Variants in GXYLT2 observed in about 807,000 individuals in gnomAD.
GXYLT2 encodes glucoside xylosyltransferase 2, also known as glycosyltransferase 8 domain containing 4.
Under a neutral mutation model 45.8 loss-of-function variants are expected in GXYLT2, and 53 were observed. That is an observed-to-expected ratio of 1.16 (90% confidence interval 0.93 to 1.46). The LOEUF is 1.46. Among genes scored for constraint, GXYLT2 ranks in the 40% most tolerant of loss-of-function variants. The pLI is 0.00. For missense variants in GXYLT2, 551 were observed against 544.4 expected (o/e 1.01, Z -0.12); for synonymous variants, 219 against 214.2 (o/e 1.02, Z -0.19).
At chr3:72,905,929 G>A (rs1559728614) in intron 1 of GXYLT2, among the ~76,000 whole-genome samples, 1 of 152,194 alleles carries the variant, frequency 6.6e-6, no homozygotes, top group African/African-American at 2.4e-5. Context: ...AATATGTAAA[G>A]CTAAACTAGA....
chr3:72,955,004 A>T, intron 3 of GXYLT2, 94 bp from the exon 4 acceptor site: 1 of 1,299,952 alleles, frequency 7.7e-7, no homozygotes, highest in East Asian at 2.4e-5. Context: ...TGGTAGCATT[A>T]TTTACCTATC....
At chr3:72,893,424 C>A (rs1709220823) in intron 1 of GXYLT2, among the ~76,000 whole-genome samples, 1 of 152,220 alleles carries the variant, frequency 6.6e-6, no homozygotes, top group South Asian at 2.1e-4. Flanking sequence ...TGAGAGGGGT[C>A]CTGCTAGCCG....
intron 3 of GXYLT2, among the ~76,000 whole-genome samples, chr3:72,950,601 A>G (rs866780953): frequency 6.6e-6 from 1 of 151,670 alleles, no homozygotes; most frequent in South Asian, 2.1e-4. Flanking sequence ...CTGCACTCCA[A>G]CCTGGGTGAC....
At chr3:72,922,097 G>A (rs1184103236) in intron 2 of GXYLT2, 107 bp from the exon 3 acceptor site, 30 of 959,768 alleles carry the variant, frequency 3.1e-5, no homozygotes, top group Non-Finnish European at 4.8e-5. Context: ...TAGACTTTCT[G>A]TGTAAGTTGC....
At chr3:72,915,221 T>C (rs946152976) in intron 2 of GXYLT2, among the ~76,000 whole-genome samples, 2 of 151,266 alleles carry the variant, frequency 1.3e-5, no homozygotes, top group African/African-American at 2.4e-5. Flanking sequence ...AACTAAAACA[T>C]GGTGAGGAGT....
chr3:72,959,335 C>T (rs937625612), intron 5 of GXYLT2, among the ~76,000 whole-genome samples: 6 of 151,852 alleles, frequency 4.0e-5, no homozygotes, highest in Admixed American at 3.9e-4. Flanking sequence ...CCAGGCTGGT[C>T]TCAAACTCCT....
intron 2 of GXYLT2, among the ~76,000 whole-genome samples, chr3:72,910,319 C>T (rs1200361311): frequency 6.6e-6 from 1 of 152,098 alleles, no homozygotes; most frequent in Non-Finnish European, 1.5e-5. Flanking sequence ...TTATGGCTCA[C>T]CCTTCCATGG....
Position 72,975,018 on chromosome 3 carries a change from C to G in GXYLT2, c.1191C>G (p.Pro397=), listed in dbSNP as rs374145064. The change falls in exon 7 of 7, where the codon CCC becomes CCG. Residue 397 remains proline (P), a synonymous_variant. Coordinates refer to ENST00000389617, the MANE Select transcript of GXYLT2 (RefSeq NM_001080393.2). ...QDNLFQSMYY[P]LQLKFLETVH... is the part of the protein sequence containing the mutation. ...ATCTCTTTCAATCCATGTATTACCCCCTTCAGCTGAAGTTTTTGGAGACTG... is the reference window on the plus strand; with the variant it reads ...ATCTCTTTCAATCCATGTATTACCCGCTTCAGCTGAAGTTTTTGGAGACTG... 9 of 1,609,790 alleles carry G rather than the reference C, an allele frequency of 5.6e-6. No homozygotes were observed. The highest frequency in any genetic ancestry group is 2.2e-5 in the East Asian group (1 of 44,754).
At chr3:72,919,970 T>C (rs1406875198) in intron 2 of GXYLT2, among the ~76,000 whole-genome samples, 2 of 152,210 alleles carry the variant, frequency 1.3e-5, no homozygotes, top group Admixed American at 6.5e-5. Flanking sequence ...TATTGACTTA[T>C]CAGTTGTAAC....
chr3:72,940,848 AT>A (rs766510378), intron 3 of GXYLT2, among the ~76,000 whole-genome samples: 2 of 151,962 alleles, frequency 1.3e-5, no homozygotes, highest in African/African-American at 4.8e-5. Context: ...CACCTGACTA[AT>A]TTTTTAATTT....
chr3:72,942,536 T>C (rs1196584656), intron 3 of GXYLT2, among the ~76,000 whole-genome samples: 5 of 152,198 alleles, frequency 3.3e-5, no homozygotes, highest in Non-Finnish European at 5.9e-5. Context: ...AAATCCTTAG[T>C]TGACTGTGGA....
intron 2 of GXYLT2, among the ~76,000 whole-genome samples, chr3:72,913,099 G>A (rs1194199187): frequency 4.0e-5 from 6 of 149,644 alleles, no homozygotes; most frequent in African/African-American, 1.5e-4. Context: ...GTGCAGTGGC[G>A]CAATCTCGGC....
At chr3:72,914,509 A>T (rs149302404) in intron 2 of GXYLT2, among the ~76,000 whole-genome samples, 1 of 149,968 alleles carries the variant, frequency 6.7e-6, no homozygotes, top group East Asian at 2.0e-4. Context: ...GTTTTTATAT[A>T]TATATATTTA....
intron 2 of GXYLT2, among the ~76,000 whole-genome samples, chr3:72,912,959 G>A (rs1418482186): frequency 6.6e-6 from 1 of 152,028 alleles, no homozygotes; most frequent in Non-Finnish European, 1.5e-5. Context: ...GCAGATAGTT[G>A]TGAAGTTGTG....
chr3:72,964,165 G>C (rs774386484), intron 5 of GXYLT2, among the ~76,000 whole-genome samples: 1 of 152,018 alleles, frequency 6.6e-6, no homozygotes, highest in Non-Finnish European at 1.5e-5. Flanking sequence ...AACTTACCAC[G>C]ATTATAGAGC....
At chr3:72,916,869 C>G (rs1263085892) in intron 2 of GXYLT2, among the ~76,000 whole-genome samples, 1 of 151,608 alleles carries the variant, frequency 6.6e-6, no homozygotes, top group East Asian at 1.9e-4. Context: ...TTATTGTAAA[C>G]CAGCCAAACC....
chr3:72,917,989 G>T (rs1339113196), intron 2 of GXYLT2, among the ~76,000 whole-genome samples: 2 of 151,966 alleles, frequency 1.3e-5, no homozygotes, highest in African/African-American at 4.8e-5. Context: ...TTCCTCTAAA[G>T]TGAGTTGACC....
At chr3:72,946,254 G>A (rs542613476) in intron 3 of GXYLT2, among the ~76,000 whole-genome samples, 23 of 135,018 alleles carry the variant, frequency 1.7e-4, no homozygotes, top group African/African-American at 5.2e-4. Context: ...TCCAGCCTGG[G>A]TGACAGAGCA....
intron 1 of GXYLT2, among the ~76,000 whole-genome samples, chr3:72,903,147 T>A (rs1384491748): frequency 6.6e-6 from 1 of 152,234 alleles, no homozygotes; most frequent in Non-Finnish European, 1.5e-5. Flanking sequence ...TGACTCAGTG[T>A]TATTTGCTGC....
Sources: gnomAD v4.1 joint callset for allele counts (sites outside exome capture counted in the v4.1 genomes callset) on GRCh38, gnomAD v4.1.1 for gene constraint, MANE v1.5 for transcripts, NCBI Gene and HGNC (gene_info 2026-07-23, HGNC 2026-07-21) for gene names.